Variants in CHMP7 observed in about 807,000 individuals in gnomAD.
CHMP7 encodes CHMP family, member 7.
CHMP7 carries 15 observed loss-of-function variants against 53.7 expected under a neutral mutation model. The observed-to-expected ratio is 0.28, with a 90% CI of 0.19 to 0.43. The LOEUF is 0.43. CHMP7 is among the 20% of genes least tolerant of loss of function. The probability of loss-of-function intolerance (pLI) is 1.00; values close to 1 mark genes in which losing one functional copy is unlikely to be tolerated. For missense variants in CHMP7, 527 were observed against 569.4 expected, an observed-to-expected ratio of 0.93 and a Z score of 0.76; for synonymous variants, 261 against 228.0, an observed-to-expected ratio of 1.14 and a Z score of -1.30.
chr8:23,244,400 G>C (rs533114771), intron 1 of CHMP7, among the ~76,000 whole-genome samples: 21 of 152,314 alleles, frequency 1.4e-4, no homozygotes, highest in Admixed American at 4.6e-4. Flanking sequence ...TTGTTGAAAA[G>C]ACTCTTTGAA....
rs1382441487 is a variant in CHMP7, at chr8:23,246,569, C to T, written c.-127C>T. On this transcript the variant is annotated 5_prime_UTR_variant, in exon 2 of 11. In the 5' UTR this introduces an upstream ATG that the reference lacks. Transcript: ENST00000397677. ...TTGAAGACTTATGGAACTTATTTCA[C>T]GCTCAGGGCGGCGGTGACGTGTGAA... 2.6e-6 allele frequency: 2 copies of T among 758,302 alleles called. No homozygotes were observed. Among genetic ancestry groups the T allele is most frequent in the Non-Finnish European group, 4.2e-6 (2 of 478,250 alleles). The allele number at this position is 758,302 out of a possible 1,614,324, so 47.0% of individuals were successfully genotyped here. A position where few individuals can be genotyped will look rare whatever the true frequency, so the allele number is the denominator to read the frequency against.
rs140632884 is a variant in CHMP7, at chr8:23,251,914, A to G, written c.471+2533A>G. On this transcript the variant is annotated intron_variant, in intron 3 of 10. Transcript: ENST00000397677. ...TATGGAATTGATTTTTCGGAAATGC[A>G]TATGTGCCTTTTCAATTTTAACAAA... Among the ~76,000 whole-genome samples, 6 of 152,178 alleles carry G rather than the reference A, an allele frequency of 3.9e-5. No individual in the cohort carries two copies. In the East Asian group the frequency reaches 9.6e-4, roughly 24 times the overall value.
intron 3 of CHMP7, among the ~76,000 whole-genome samples, chr8:23,250,805 C>T (rs1288325587): frequency 6.6e-6 from 1 of 152,178 alleles, no homozygotes; most frequent in East Asian, 1.9e-4. Flanking sequence ...CCACGCCTCA[C>T]CCCGGGAGAA....
chr8:23,244,063 G>A (rs1360748671), intron 1 of CHMP7, among the ~76,000 whole-genome samples: 1 of 151,730 alleles, frequency 6.6e-6, no homozygotes, highest in Non-Finnish European at 1.5e-5. Context: ...TATCAGAGAT[G>A]TCTTTTGCAA....
chr8:23,249,260 G>T lies in CHMP7; in HGVS notation c.350G>T (p.Ser117Ile). ...ESDFMASVDS[S>I]WISWGVGVFL... ...GACTTCATGGCCAGTGTAGACAGCA[G>T]CTGGATCTCCTGGGGGGTTGGGGTC... The change falls in exon 3 of 11, where the codon AGC (serine) becomes ATC (isoleucine). Residue 117 changes from serine (S) to isoleucine (I), a missense_variant. Physicochemically the swap from Ser to Ile is moderately radical, Grantham distance 142. Coordinates refer to ENST00000397677, the MANE Select transcript of CHMP7 (RefSeq NM_152272.5). 2 of 1,611,778 alleles carry T rather than the reference G, an allele frequency of 1.2e-6. No individual in the cohort carries two copies. Among genetic ancestry groups the T allele is most frequent in the Non-Finnish European group, 8.5e-7 (1 of 1,178,980 alleles).
intron 3 of CHMP7, among the ~76,000 whole-genome samples, chr8:23,254,197 T>TC (rs1802039058): frequency 6.6e-6 from 1 of 151,916 alleles, no homozygotes; most frequent in African/African-American, 2.4e-5. Context: ...TTTTTTTTTT[T>TC]TCAAGAAATC....
In CHMP7 at chr8:23,247,010, G is replaced by C; in HGVS notation, c.299+16G>C. On this transcript the variant is annotated intron_variant, in intron 2 of 10. Coordinates refer to ENST00000397677, the MANE Select transcript of CHMP7 (RefSeq NM_152272.5). ...ACCTGCTGCGGTGAGGGGCGGGCTG[G>C]GGCCAGGGCCGCGAGGGCGGGCGGG... 11 of 1,495,874 alleles carry C rather than the reference G, an allele frequency of 7.4e-6. No individual in the cohort carries two copies. Among genetic ancestry groups the C allele is most frequent in the Non-Finnish European group, 9.7e-6 (11 of 1,129,800 alleles). 92.7% of individuals were successfully genotyped at this position (1,495,874 alleles called of 1,614,324 possible).
In CHMP7 at chr8:23,259,509, C is replaced by T. The variant is rs190780419; in HGVS notation, c.1120+383C>T. Reference sequence around the variant, plus strand: ...CTGAGTAGCTGGGATTATAGGCGCCCGCCACCACGCCTGGCTAATTTTTGT... The same window carrying T: ...CTGAGTAGCTGGGATTATAGGCGCCTGCCACCACGCCTGGCTAATTTTTGT... On this transcript the variant is annotated intron_variant, in intron 9 of 10. Transcript: ENST00000397677. Among the ~76,000 whole-genome samples, 221 of 152,018 alleles carry T rather than the reference C, an allele frequency of 1.5e-3. 1 individual carries two copies. Among genetic ancestry groups the T allele is most frequent in the African/African-American group, 5.1e-3 (212 of 41,464 alleles).
At chr8:23,252,480 G>C (rs189098279) in intron 3 of CHMP7, 1 of 152,196 alleles carries the variant, frequency 6.6e-6, no homozygotes, top group African/African-American at 2.4e-5. Context: ...CACCGCGCCT[G>C]GCCTTATTGT....
Position 23,246,532 on chromosome 8 carries a change from A to C in CHMP7, c.-164A>C, listed in dbSNP as rs188498740. On this transcript the variant is annotated 5_prime_UTR_variant, in exon 2 of 11. Coordinates refer to ENST00000397677, the MANE Select transcript of CHMP7 (RefSeq NM_152272.5). ...CCTCCTGGCTGACGGAGCGCAGCGC[A>C]ACGCATGCGCCTTGAAGACTTATGG... 35 of 628,600 alleles carry C rather than the reference A, an allele frequency of 5.6e-5. No individual in the cohort carries two copies. The East Asian group carries it at 9.4e-4, about 17-fold the overall frequency. 38.9% of individuals were successfully genotyped at this position (628,600 alleles called of 1,614,324 possible).
chr8:23,248,683 A>C (rs558266439), intron 2 of CHMP7, among the ~76,000 whole-genome samples: 1 of 152,214 alleles, frequency 6.6e-6, no homozygotes, highest in South Asian at 2.1e-4. Flanking sequence ...CAAGCATTTA[A>C]TAAATTGAGC....
intron 3 of CHMP7, chr8:23,254,941 C>T: frequency 2.3e-6 from 1 of 432,746 alleles, no homozygotes. Flanking sequence ...CTCACCTCCT[C>T]AGTCTTCCCT....
chr8:23,249,985 G>A (rs1801854038), intron 3 of CHMP7, among the ~76,000 whole-genome samples: 1 of 152,012 alleles, frequency 6.6e-6, no homozygotes, highest in Non-Finnish European at 1.5e-5. Flanking sequence ...CATCTCCTTT[G>A]GTCCACACCA....
In CHMP7 at chr8:23,258,809, C is replaced by G; in HGVS notation, c.1038C>G (p.Ser346Arg). 1.9e-6 allele frequency: 3 copies of G among 1,611,618 alleles called. No homozygotes were observed. The highest frequency in any genetic ancestry group is 2.5e-6 in the Non-Finnish European group (3 of 1,177,956). The change falls in exon 8 of 11, where the codon AGC becomes AGG. Residue 346 changes from serine (S) to arginine (R), a missense_variant. Coordinates refer to ENST00000397677, the MANE Select transcript of CHMP7 (RefSeq NM_152272.5). ...MKDVTVEKAESLVDQIQELCD... is the reference protein window; with the variant it reads ...MKDVTVEKAERLVDQIQELCD... ...ATGTCACAGTGGAGAAGGCAGAGAGCCTCGTGGATCAGATCCAAGAGGTAC... is the reference window on the plus strand; with the variant it reads ...ATGTCACAGTGGAGAAGGCAGAGAGGCTCGTGGATCAGATCCAAGAGGTAC...
At chr8:23,259,926 G>A (rs551281409) in intron 9 of CHMP7, 1 of 542,862 alleles carries the variant, frequency 1.8e-6, no homozygotes, top group East Asian at 3.2e-5. Context: ...CAGGTCCATG[G>A]TGTTAACAGA....
At position 23,246,918 on chromosome 8, in the gene CHMP7, C is replaced by A; in HGVS notation, c.223C>A (p.Arg75=). The A allele has an allele frequency of 6.4e-7, 1 of 1,570,466 alleles. No individual in the cohort carries two copies. Among genetic ancestry groups the A allele is most frequent in the East Asian group, 2.3e-5 (1 of 42,718 alleles). ...RRQGVVRLRL[R]DLQEAFQRKG... ...CCAGGGGGTGGTGCGCCTGCGTCTG[C>A]GGGACTTGCAGGAGGCCTTTCAGCG... Residue 75 remains arginine, a synonymous_variant, in exon 2 of 11, where the codon CGG becomes AGG. Coordinates refer to ENST00000397677, the MANE Select transcript of CHMP7 (RefSeq NM_152272.5).
intron 3 of CHMP7, among the ~76,000 whole-genome samples, chr8:23,254,035 G>C (rs1450430184): frequency 6.6e-6 from 1 of 151,786 alleles, no homozygotes; most frequent in African/African-American, 2.4e-5. Flanking sequence ...CTATAATATA[G>C]GAGTGCTTCT....
In CHMP7 at chr8:23,246,694, C is replaced by A. The variant is rs371585622; in HGVS notation, c.-2C>A. 1 of 1,547,498 alleles carries A rather than the reference C, an allele frequency of 6.5e-7. No individual in the cohort carries two copies. The highest frequency in any genetic ancestry group is 2.4e-5 in the East Asian group (1 of 40,880). ...CGCAGCCTTGCCGGGGCTGGGGTTC[C>A]GATGTGGTCCCCGGAGCGGGAGGCC... On this transcript the variant is annotated 5_prime_UTR_variant, in exon 2 of 11. Transcript: ENST00000397677.
At chr8:23,244,740 T>C (rs1357047081) in intron 1 of CHMP7, among the ~76,000 whole-genome samples, 4 of 152,238 alleles carry the variant, frequency 2.6e-5, no homozygotes, top group African/African-American at 9.6e-5. Context: ...AATTGATATC[T>C]TGATAATATT....
Sources: gnomAD v4.1 joint callset for allele counts (sites outside exome capture counted in the v4.1 genomes callset) on GRCh38, gnomAD v4.1.1 for gene constraint, MANE v1.5 for transcripts, NCBI Gene and HGNC (gene_info 2026-07-23, HGNC 2026-07-21) for gene names.